The following BPHL variants were observed in gnomAD, a reference collection of about 807,000 sequenced individuals.
BPHL encodes the protein serine hydrolase BPHL.
Under a neutral mutation model 31.2 loss-of-function variants are expected in BPHL, and 27 were observed. That is an observed-to-expected ratio of 0.87 (90% CI 0.64 to 1.19). The LOEUF is 1.19. BPHL is among the 50% of genes most tolerant of loss of function. The pLI is 0.00. For synonymous variants in BPHL, 150 were observed against 146.8 expected (o/e 1.02, Z -0.16); for missense variants, 356 against 375.7 (o/e 0.95, Z 0.43).
intron 3 of BPHL, among the ~76,000 whole-genome samples, chr6:3,128,696 G>C (rs1389175095): frequency 6.6e-6 from 1 of 152,184 alleles, no homozygotes; most frequent in Non-Finnish European, 1.5e-5. Context: ...CCTTGCTCAG[G>C]CATGCATATG....
chr6:3,124,921 A>T lies in BPHL; in HGVS notation c.211+1161A>T, dbSNP rs540999734. ...TGGTACCTTTGTTTTCCTTAACCTG[A>T]TGAACAAGGACACTGACTCTCATGG... is the stretch of plus-strand genomic sequence containing the variant. On this transcript the variant is annotated intron_variant, in intron 2 of 6. Transcript: ENST00000380379. Among the ~76,000 whole-genome samples, 42 of 152,296 alleles carry T rather than the reference A, an allele frequency of 2.8e-4. 1 individual carries two copies. The South Asian group carries it at 8.5e-3, about 31-fold the overall frequency.
At chr6:3,118,870 G>A in intron 1 of BPHL, 23 bp downstream of exon 1, 1 of 1,233,202 alleles carries the variant, frequency 8.1e-7, no homozygotes, top group Non-Finnish European at 1.0e-6. Flanking sequence ...ACCTCGCCCC[G>A]GGGATCCCCA....
chr6:3,143,115 A>T (rs1762224798), intron 6 of BPHL, among the ~76,000 whole-genome samples: 1 of 152,164 alleles, frequency 6.6e-6, no homozygotes, highest in Non-Finnish European at 1.5e-5. Flanking sequence ...GCTACTCAAG[A>T]TGCTGAGGCA....
At chr6:3,119,077 A>C (rs1761482379) in intron 1 of BPHL, among the ~76,000 whole-genome samples, 1 of 152,084 alleles carries the variant, frequency 6.6e-6, no homozygotes, top group Non-Finnish European at 1.5e-5. Context: ...CAGTTCAAGG[A>C]GTCTGGAGCC....
chr6:3,148,246 G>A (rs2113778884), intron 6 of BPHL, among the ~76,000 whole-genome samples: 1 of 152,338 alleles, frequency 6.6e-6, no homozygotes, highest in Middle Eastern at 3.4e-3. Flanking sequence ...GGCCTGGGAT[G>A]TCTGTGCAGT....
At position 3,146,024 on chromosome 6, in the gene BPHL, G is replaced by A. The variant is rs1324267102; in HGVS notation, c.788+5515G>A. On this transcript the variant is annotated intron_variant, in intron 6 of 6. Transcript: ENST00000380379. ...CGGGGTGGAGTGCTGGTTCGGGTCC[G>A]AGTGCTGGTTCGGGTGGAGTGCTGG... is the stretch of plus-strand genomic sequence containing the variant. 1.6e-4 allele frequency among the ~76,000 whole-genome samples: 8 copies of A among 49,428 alleles called. 3 individuals carry two copies. Among genetic ancestry groups the A allele is most frequent in the African/African-American group, 5.2e-4 (6 of 11,478 alleles). The allele number at this position is 49,428 out of a possible 152,430, so 32.4% of individuals were successfully genotyped here.
intron 4 of BPHL, among the ~76,000 whole-genome samples, chr6:3,130,195 G>T (rs951436879): frequency 6.6e-6 from 1 of 152,294 alleles, no homozygotes; most frequent in East Asian, 1.9e-4. Context: ...TGCAGCCCAC[G>T]TACCAATCGA....
At chr6:3,147,556 C>T (rs540673180) in intron 6 of BPHL, among the ~76,000 whole-genome samples, 1 of 152,178 alleles carries the variant, frequency 6.6e-6, no homozygotes, top group African/African-American at 2.4e-5. Flanking sequence ...GCCTCAGCCT[C>T]CTGAATAGCT....
At chr6:3,136,190 C>T (rs1762013825) in intron 4 of BPHL, among the ~76,000 whole-genome samples, 1 of 152,216 alleles carries the variant, frequency 6.6e-6, no homozygotes, top group African/African-American at 2.4e-5. Context: ...TGCCATACGG[C>T]CAAAAGTAGA....
At chr6:3,144,711 C>T (rs1229263739) in intron 6 of BPHL, among the ~76,000 whole-genome samples, 1 of 152,238 alleles carries the variant, frequency 6.6e-6, no homozygotes, top group African/African-American at 2.4e-5. Context: ...ATATCTCTAA[C>T]AGCTGCTAAC....
At chr6:3,128,296 T>C (rs528077903) in intron 3 of BPHL, among the ~76,000 whole-genome samples, 1 of 152,290 alleles carries the variant, frequency 6.6e-6, no homozygotes, top group Non-Finnish European at 1.5e-5. Flanking sequence ...CAGGGAGAAT[T>C]TCATACACAT....
intron 6 of BPHL, among the ~76,000 whole-genome samples, chr6:3,144,581 A>C (rs544034569): frequency 1.3e-4 from 20 of 151,832 alleles, no homozygotes; most frequent in South Asian, 4.2e-4. Context: ...GTGTAGAGAA[A>C]GGGCCTTGCC....
intron 4 of BPHL, among the ~76,000 whole-genome samples, chr6:3,134,438 CTTTT>C (rs554446648): frequency 4.5e-5 from 6 of 132,564 alleles, no homozygotes; most frequent in Admixed American, 2.3e-4. Context: ...CTTTTCTTTC[CTTTT>C]TTTTTTTTTT....
rs556758619 is a variant in BPHL at position 3,133,320 on chromosome 6, C to T, written c.533-4042C>T. Among the ~76,000 whole-genome samples, 26 of 152,268 alleles carry T rather than the reference C, an allele frequency of 1.7e-4. 1 individual carries two copies. Among genetic ancestry groups the T allele is most frequent in the African/African-American group, 6.0e-4 (25 of 41,570 alleles). ...AGGCTCCCGCCAGCCTCGTTGGTCC[C>T]GTCTGGGCTGATTCTGTGCCTCTCC... On this transcript the variant is annotated intron_variant, in intron 4 of 6. Transcript: ENST00000380379.
intron 4 of BPHL, 135 bp downstream of exon 4, chr6:3,129,333 A>G: frequency 8.2e-7 from 1 of 1,213,516 alleles, no homozygotes; most frequent in South Asian, 1.8e-5. Context: ...AGGAAGAATA[A>G]CGAGTTCTCA....
At chr6:3,120,124 C>G (rs2113741049) in intron 1 of BPHL, among the ~76,000 whole-genome samples, 1 of 152,168 alleles carries the variant, frequency 6.6e-6, no homozygotes, top group Non-Finnish European at 1.5e-5. Context: ...ACCTCTGCCT[C>G]CCAGGTTTAA....
intron 4 of BPHL, among the ~76,000 whole-genome samples, chr6:3,129,865 C>G (rs1479576289): frequency 7.0e-6 from 1 of 142,216 alleles, no homozygotes; most frequent in Non-Finnish European, 1.5e-5. Context: ...GGAGTGCAGT[C>G]GTGCGATCTC....
intron 5 of BPHL, chr6:3,139,149 C>G (rs768568166): frequency 1.3e-5 from 2 of 152,066 alleles, no homozygotes; most frequent in African/African-American, 4.8e-5. Flanking sequence ...TCTGTGACCT[C>G]GAAAAGCTGT....
In BPHL at chr6:3,141,648, G is replaced by C. The variant is rs569861633; in HGVS notation, c.788+1139G>C. Among the ~76,000 whole-genome samples the C allele has an allele frequency of 3.3e-5, 5 of 152,270 alleles. No individual in the cohort carries two copies. In the South Asian group the frequency reaches 1.0e-3, roughly 32 times the overall value. On this transcript the variant is annotated intron_variant, in intron 6 of 6. Transcript: ENST00000380379. ...CCCAAAGTGCTGGGATTACAGGCAT[G>C]AGCCACCACTCCCAGCTTGGAGTTT...
Sources: gnomAD v4.1 joint callset for allele counts (sites outside exome capture counted in the v4.1 genomes callset) on GRCh38, gnomAD v4.1.1 for gene constraint, MANE v1.5 for transcripts, NCBI Gene and HGNC (gene_info 2026-07-23, HGNC 2026-07-21) for gene names.